Variants in TUBGCP2 observed in about 807,000 individuals in gnomAD.
TUBGCP2 encodes gamma-tubulin complex component 2.
A neutral mutation model predicts 92.2 loss-of-function variants in TUBGCP2; 55 were observed. The observed-to-expected ratio is 0.60, with a 90% CI of 0.48 to 0.75. The LOEUF is 0.75. TUBGCP2 is among the 30% of genes least tolerant of loss of function. The pLI is 0.00. For synonymous variants in TUBGCP2, 533 were observed against 505.2 expected, an observed-to-expected ratio of 1.06 and a Z score of -0.74; for missense variants, 1,093 against 1,188.9, an observed-to-expected ratio of 0.92 and a Z score of 1.19.
upstream of TUBGCP2, chr10:133,311,664 CAG>C (rs747079588): frequency 1.3e-4 from 196 of 1,479,298 alleles, no homozygotes; most frequent in East Asian, 1.6e-4. Context: ...CTGGGGAACA[CAG>C]GGGCTGTGGG....
chr10:133,279,980 G>A lies in TUBGCP2; in HGVS notation c.2574-79C>T, dbSNP rs1353315886. 1.9e-6 allele frequency: 3 copies of A among 1,547,266 alleles called. No individual in the cohort carries two copies. The African/African-American group carries it at 4.1e-5, about 21-fold the overall frequency. ...TGGGCAGCAGGGGTGTGGAAGGACG[G>A]TGCAGCTAGGGTGCACACCCCTTCT... On this transcript the variant is annotated intron_variant, in intron 17 of 17. Coordinates refer to ENST00000252936, the MANE Select transcript of TUBGCP2 (RefSeq NM_006659.4).
intron 1 of TUBGCP2, among the ~76,000 whole-genome samples, chr10:133,304,910 A>T (rs1462180769): frequency 6.6e-6 from 1 of 152,176 alleles, no homozygotes; most frequent in Non-Finnish European, 1.5e-5. Context: ...TCCTTGGTCT[A>T]GCGGTGATGC....
intron 11 of TUBGCP2, among the ~76,000 whole-genome samples, chr10:133,286,413 T>C (rs914349512): frequency 2.0e-5 from 3 of 152,138 alleles, no homozygotes; most frequent in African/African-American, 7.2e-5. Flanking sequence ...GAATCAAGAA[T>C]AGACAGAATG....
intron 16 of TUBGCP2, 101 bp downstream of exon 16, chr10:133,282,122 A>G: frequency 3.2e-6 from 5 of 1,558,158 alleles, no homozygotes; most frequent in Non-Finnish European, 4.3e-6. Flanking sequence ...GGGAGATGGA[A>G]GTAAAAGGGG....
At chr10:133,288,750 G>A (rs1847198543) in intron 10 of TUBGCP2, 90 bp downstream of exon 10, 1 of 1,406,786 alleles carries the variant, frequency 7.1e-7, no homozygotes, top group East Asian at 2.5e-5. Flanking sequence ...GGAGCTGCCA[G>A]AAGAAACCCA....
upstream of TUBGCP2, chr10:133,310,637 C>G: frequency 3.1e-6 from 1 of 318,198 alleles, no homozygotes; most frequent in Non-Finnish European, 6.0e-6. Context: ...ACTCACACCC[C>G]TCGGGGCCGT....
chr10:133,298,172 T>C (rs1235232094), intron 4 of TUBGCP2, 61 bp from the exon 5 acceptor site: 68 of 1,549,032 alleles, frequency 4.4e-5, no homozygotes, highest in Non-Finnish European at 5.7e-5. Context: ...AACACTCAAC[T>C]AAAGACATGC....
rs1325595983 is a variant in TUBGCP2 at position 133,279,830 on chromosome 10, G to T, written c.2645C>A (p.Pro882His). 7 of 1,595,692 alleles carry T rather than the reference G, an allele frequency of 4.4e-6. No individual in the cohort carries two copies. The highest frequency in any genetic ancestry group is 4.0e-5 in the African/African-American group (3 of 74,372). ...LSAERSQKATPQVPVLRGPPA... is the reference protein window; with the variant it reads ...LSAERSQKATHQVPVLRGPPA... ...GGGCCCCCGCAGGACAGGCACTTGG[G>T]GGGTGGCCTTCTGGCTCCTCTCTGC... Residue 882 changes from proline (P) to histidine (H), a missense_variant, in exon 18 of 18, where the codon CCC becomes CAC. Pro to His is a moderately conservative substitution (Grantham distance 77, BLOSUM62 -2). Transcript: ENST00000252936.
rs759707724 is a variant in TUBGCP2, at chr10:133,292,454, G to A, written c.1214+45C>T. On this transcript the variant is annotated intron_variant, in intron 8 of 17. Coordinates refer to ENST00000252936, the MANE Select transcript of TUBGCP2 (RefSeq NM_006659.4). ...CACTCCGTGTCCCCCATGTCCCTCCGTGTCCCCGTGTCCCTCCGTGTCCCC... is the reference window on the plus strand; with the variant it reads ...CACTCCGTGTCCCCCATGTCCCTCCATGTCCCCGTGTCCCTCCGTGTCCCC... 9.2e-5 allele frequency: 66 copies of A among 718,994 alleles called. 24 individuals carry two copies. Among genetic ancestry groups the A allele is most frequent in the Middle Eastern group, 6.9e-4 (2 of 2,888 alleles). 44.5% of individuals were successfully genotyped at this position (718,994 alleles called of 1,614,324 possible).
In TUBGCP2 at chr10:133,279,673, G is replaced by C; in HGVS notation, c.*93C>G. 2 of 1,431,876 alleles carry C rather than the reference G, an allele frequency of 1.4e-6. No individual in the cohort carries two copies. Among genetic ancestry groups the C allele is most frequent in the South Asian group, 2.9e-5 (2 of 67,818 alleles). 88.7% of individuals were successfully genotyped at this position (1,431,876 alleles called of 1,614,324 possible). On this transcript the variant is annotated 3_prime_UTR_variant, in exon 18 of 18. Coordinates refer to ENST00000252936, the MANE Select transcript of TUBGCP2 (RefSeq NM_006659.4). The stretch of plus-strand genomic sequence containing the variant: ...TCCTGCTTTATATTTAAACTGCAAA[G>C]ACAGAACACAGAGCATTCGATTTGA...
chr10:133,298,201 G>A (rs769215996), intron 4 of TUBGCP2, 90 bp from the exon 5 acceptor site: 32 of 1,385,616 alleles, frequency 2.3e-5, no homozygotes, highest in South Asian at 6.6e-5. Context: ...TAGCATCTAC[G>A]GCAAAGATGA....
intron 1 of TUBGCP2, among the ~76,000 whole-genome samples, chr10:133,303,497 C>T (rs958309308): frequency 2.0e-5 from 3 of 152,242 alleles, no homozygotes; most frequent in Non-Finnish European, 2.9e-5. Flanking sequence ...CTGCTCGCCT[C>T]GGCTTGGGGA....
intron 5 of TUBGCP2, 123 bp from the exon 6 acceptor site, chr10:133,293,892 C>T: frequency 9.9e-7 from 1 of 1,009,032 alleles, no homozygotes; most frequent in Admixed American, 2.1e-5. Context: ...AAAAGGTCAG[C>T]CACTGCACTT....
At chr10:133,284,514 G>C (rs757660548) in intron 13 of TUBGCP2, among the ~76,000 whole-genome samples, 6 of 152,048 alleles carry the variant, frequency 3.9e-5, no homozygotes, top group Non-Finnish European at 8.8e-5. Context: ...AGGCATTCCC[G>C]GCTAATTAAA....
chr10:133,282,414 C>T, intron 15 of TUBGCP2, 72 bp from the exon 16 acceptor site: 1 of 1,509,424 alleles, frequency 6.6e-7, no homozygotes. Flanking sequence ...AAAACAAGTC[C>T]TGCAGGCACG....
Position 133,279,519 on chromosome 10 carries a change from A to C in TUBGCP2, c.*247T>G, listed in dbSNP as rs1251481626. On this transcript the variant is annotated 3_prime_UTR_variant, in exon 18 of 18. Transcript: ENST00000252936. ...TTCCACTTTGAGGCCAAAAACACCC[A>C]AAAAGGTGATAGTGTAATTTCAAAA... is the stretch of plus-strand genomic sequence containing the variant. The C allele has an allele frequency of 2.2e-5, 12 of 554,058 alleles. No individual in the cohort carries two copies. Among genetic ancestry groups the C allele is most frequent in the Non-Finnish European group, 3.3e-5 (11 of 333,968 alleles). The allele number at this position is 554,058 out of a possible 1,614,324, so 34.3% of individuals were successfully genotyped here.
At chr10:133,309,821 C>T (rs763491007), upstream of TUBGCP2, 26 of 1,613,450 alleles carry the variant, frequency 1.6e-5, no homozygotes, top group South Asian at 2.3e-4. Context: ...GCCAGGTGTT[C>T]GATGCCCTGG....
intron 2 of TUBGCP2, chr10:133,302,234 T>C: frequency 3.0e-5 from 5 of 165,372 alleles, no homozygotes; most frequent in South Asian, 1.5e-4. Flanking sequence ...CTGCCATCGT[T>C]GCCGGTACCA....
At chr10:133,282,053 G>A (rs1846995826) in intron 16 of TUBGCP2, among the ~76,000 whole-genome samples, 170 bp downstream of exon 16, 1 of 152,274 alleles carries the variant, frequency 6.6e-6, no homozygotes, top group South Asian at 2.1e-4. Context: ...TGAGAAGATT[G>A]TGAGAGGCTC....
Sources: allele counts gnomAD v4.1 joint callset (sites outside exome capture counted in the v4.1 genomes callset), GRCh38; gene constraint gnomAD v4.1.1; transcripts MANE v1.5; gene names NCBI Gene and HGNC (gene_info 2026-07-23, HGNC 2026-07-21).